CTNNA3: variants seen among roughly 807,000 people sequenced by gnomAD.
CTNNA3 encodes the protein catenin alpha 3, also known as catenin alpha-3.
A neutral mutation model predicts 95.7 loss-of-function variants in CTNNA3; 76 were observed. The observed-to-expected ratio is 0.79, with a 90% confidence interval of 0.66 to 0.96. CTNNA3 has a LOEUF of 0.96. CTNNA3 is among the 40% of genes least tolerant of loss of function. The pLI is 0.00. For missense variants in CTNNA3, 1,191 were observed against 1,089.8 expected, an observed-to-expected ratio of 1.09 and a Z score of -1.31; for synonymous variants, 431 against 374.4, an observed-to-expected ratio of 1.15 and a Z score of -1.74.
chr10:65,941,631 C>T (rs1029362931), intron 17 of CTNNA3, among the ~76,000 whole-genome samples: 8 of 152,252 alleles, frequency 5.3e-5, no homozygotes, highest in African/African-American at 1.9e-4. Context: ...CAAGTATAAA[C>T]TCTGGATTCA....
intron 9 of CTNNA3, among the ~76,000 whole-genome samples, chr10:66,749,219 A>G (rs918489016): frequency 2.7e-5 from 4 of 148,912 alleles, no homozygotes; most frequent in East Asian, 1.9e-4. Context: ...AAAAAAAAAA[A>G]AAAAAAAAAG....
At chr10:67,645,477 C>G (rs957136851) in intron 2 of CTNNA3, among the ~76,000 whole-genome samples, 3 of 152,048 alleles carry the variant, frequency 2.0e-5, no homozygotes, top group Non-Finnish European at 2.9e-5. Flanking sequence ...TTTTCACCAG[C>G]CATCTCCGAA....
intron 9 of CTNNA3, among the ~76,000 whole-genome samples, chr10:66,645,613 A>C (rs1589062525): frequency 6.6e-6 from 1 of 152,132 alleles, no homozygotes; most frequent in East Asian, 1.9e-4. Context: ...GCCTATCAGC[A>C]ACCAAGCCAC....
At chr10:66,078,014 T>C (rs951699699) in intron 14 of CTNNA3, among the ~76,000 whole-genome samples, 1 of 151,830 alleles carries the variant, frequency 6.6e-6, no homozygotes, top group Non-Finnish European at 1.5e-5. Context: ...TTCAGTGACC[T>C]CATCACTGAG....
intron 3 of CTNNA3, among the ~76,000 whole-genome samples, chr10:67,588,138 T>C (rs1842688473): frequency 6.6e-6 from 1 of 152,146 alleles, no homozygotes; most frequent in Non-Finnish European, 1.5e-5. Flanking sequence ...GTTTCAGATG[T>C]CTCTTGCATC....
intron 7 of CTNNA3, among the ~76,000 whole-genome samples, chr10:67,122,017 C>A: frequency 7.7e-6 from 1 of 130,242 alleles, no homozygotes; most frequent in African/African-American, 2.9e-5. Context: ...AAGCTGAGGG[C>A]CAGATTTGGC....
intron 11 of CTNNA3, among the ~76,000 whole-genome samples, chr10:66,446,946 C>A (rs1238316341): frequency 7.2e-5 from 11 of 151,784 alleles, no homozygotes; most frequent in South Asian, 4.2e-4. Context: ...AGCCCAAAAT[C>A]TCCTTAAGCT....
chr10:66,364,929 C>T (rs1316358824), intron 12 of CTNNA3, among the ~76,000 whole-genome samples: 1 of 152,170 alleles, frequency 6.6e-6, no homozygotes, highest in Non-Finnish European at 1.5e-5. Flanking sequence ...AGGATTTCCT[C>T]TTCCACAGTA....
chr10:67,341,346 A>G (rs1193340954), intron 5 of CTNNA3, among the ~76,000 whole-genome samples: 4 of 151,884 alleles, frequency 2.6e-5, no homozygotes, highest in African/African-American at 7.3e-5. Flanking sequence ...CCTCCCCACA[A>G]CTACACTTCC....
chr10:66,972,650 A>G lies in CTNNA3; in HGVS notation c.1048-197126T>C, dbSNP rs551504814. Among the ~76,000 whole-genome samples the G allele has an allele frequency of 1.7e-4, 26 of 151,704 alleles. No homozygotes were observed. In the South Asian group the frequency reaches 5.4e-3, roughly 32 times the overall value. On this transcript the variant is annotated intron_variant, in intron 7 of 17. Coordinates refer to ENST00000433211, the MANE Select transcript of CTNNA3 (RefSeq NM_013266.4). ...GTAAGACATGAACATAAGCAAACCC[A>G]TAATATTAAAAGCTTTATATAGATA...
At chr10:66,331,710 T>C (rs544723250) in intron 12 of CTNNA3, among the ~76,000 whole-genome samples, 2 of 152,006 alleles carry the variant, frequency 1.3e-5, no homozygotes, top group Non-Finnish European at 2.9e-5. Flanking sequence ...TGTAGCCTTG[T>C]AGTATAGTTT....
chr10:66,391,389 G>A (rs2092932666), intron 11 of CTNNA3, among the ~76,000 whole-genome samples: 2 of 152,096 alleles, frequency 1.3e-5, no homozygotes, highest in Admixed American at 6.6e-5. Flanking sequence ...AACAACTTGT[G>A]TAGTTGTTAA....
At chr10:66,265,202 G>A (rs1243864103) in intron 13 of CTNNA3, among the ~76,000 whole-genome samples, 1 of 151,930 alleles carries the variant, frequency 6.6e-6, no homozygotes, top group Non-Finnish European at 1.5e-5. Context: ...ATGGTTACTT[G>A]GTTGTGATAA....
intron 5 of CTNNA3, among the ~76,000 whole-genome samples, chr10:67,258,495 T>C (rs1037111560): frequency 3.9e-5 from 6 of 152,172 alleles, no homozygotes; most frequent in Non-Finnish European, 5.9e-5. Context: ...TTTCTTAAAG[T>C]AACAATTTAT....
At position 66,944,070 on chromosome 10, in the gene CTNNA3, T is replaced by C. The variant is rs535395293; in HGVS notation, c.1048-168546A>G. On this transcript the variant is annotated intron_variant, in intron 7 of 17. Transcript: ENST00000433211. ...TAAGATAACAAGGATGTCTGCTGCA[T>C]TGGTTGACTCTTTCATGAAAGATTT... 3.7e-4 allele frequency among the ~76,000 whole-genome samples: 56 copies of C among 152,244 alleles called. 1 individual carries two copies. The highest frequency in any genetic ancestry group is 1.3e-3 in the African/African-American group (55 of 41,554).
At chr10:66,553,517 CT>C (rs753973882) in intron 10 of CTNNA3, among the ~76,000 whole-genome samples, 287 of 52,206 alleles carry the variant, frequency 5.5e-3, no homozygotes, top group Non-Finnish European at 6.7e-3. Context: ...CAATACTTTT[CT>C]TTTTTTTTTT....
chr10:67,632,067 T>A (rs1487876967), intron 2 of CTNNA3, among the ~76,000 whole-genome samples: 1 of 151,164 alleles, frequency 6.6e-6, no homozygotes, highest in Non-Finnish European at 1.5e-5. Context: ...GTGACTATAG[T>A]TAACATATTG....
intron 5 of CTNNA3, among the ~76,000 whole-genome samples, chr10:67,359,320 A>T (rs927564364): frequency 1.3e-5 from 2 of 152,050 alleles, no homozygotes; most frequent in African/African-American, 4.8e-5. Context: ...TCTGGTAATT[A>T]AAAAAGTCAG....
Position 66,927,057 on chromosome 10 carries a change from T to C in CTNNA3, c.1048-151533A>G, listed in dbSNP as rs774347675. 7.4e-6 allele frequency: 12 copies of C among 1,614,184 alleles called. No individual in the cohort carries two copies. The highest frequency in any genetic ancestry group is 1.1e-5 in the South Asian group (1 of 91,080). ...GGTGTGAAGGCAAAATGGTATATTG[T>C]GAATCTCAGAAATTACAGGAGATAC... On this transcript the variant is annotated intron_variant, in intron 7 of 17. Coordinates refer to ENST00000433211, the MANE Select transcript of CTNNA3 (RefSeq NM_013266.4). The surrounding 1 kb of genome is among the most constrained non-coding windows in gnomAD (Gnocchi z 4.7).
Sources: gnomAD v4.1 joint callset for allele counts (sites outside exome capture counted in the v4.1 genomes callset) on GRCh38, gnomAD v4.1.1 for gene constraint, Gnocchi (gnomAD v3.1) non-coding constraint, MANE v1.5 for transcripts, NCBI Gene and HGNC (gene_info 2026-07-23, HGNC 2026-07-21) for gene names.